Variants in SCUBE1 observed in about 807,000 individuals in gnomAD.
SCUBE1 encodes the protein signal peptide, CUB domain and EGF like domain containing 1.
In SCUBE1, 59 loss-of-function variants were observed where a neutral mutation model predicts 124.4. That is an observed-to-expected ratio of 0.47 (90% confidence interval 0.38 to 0.59). The LOEUF (loss-of-function observed/expected upper bound fraction) is 0.59. Among genes scored for constraint, SCUBE1 ranks in the 20% least tolerant of loss-of-function variants. The probability of loss-of-function intolerance (pLI) is 0.00; values close to 1 mark genes in which losing one functional copy is unlikely to be tolerated. For missense variants in SCUBE1, 1,150 were observed against 1,371.2 expected (o/e 0.84, Z 2.55); for synonymous variants, 545 against 550.9 (o/e 0.99, Z 0.15).
At chr22:43,231,710 C>T (rs1478960204) in intron 8 of SCUBE1, 43 bp downstream of exon 8, 1 of 1,535,982 alleles carries the variant, frequency 6.5e-7, no homozygotes, top group Non-Finnish European at 8.8e-7. Context: ...GGGGCACGAT[C>T]CCGCTGGGCC....
chr22:43,243,529 A>G (rs1050899883), intron 6 of SCUBE1, among the ~76,000 whole-genome samples: 1 of 152,210 alleles, frequency 6.6e-6, no homozygotes, highest in Non-Finnish European at 1.5e-5. Flanking sequence ...GGGCGAGGAC[A>G]AAAGGATGCC....
At chr22:43,253,629 C>T (rs1032376351) in intron 6 of SCUBE1, among the ~76,000 whole-genome samples, 1 of 152,152 alleles carries the variant, frequency 6.6e-6, no homozygotes, top group Non-Finnish European at 1.5e-5. Context: ...GGGCCTCCCT[C>T]CTCACCTCCT....
At chr22:43,325,061 A>T (rs1397681964) in intron 2 of SCUBE1, among the ~76,000 whole-genome samples, 1 of 151,312 alleles carries the variant, frequency 6.6e-6, no homozygotes, top group Non-Finnish European at 1.5e-5. Flanking sequence ...AGACACGCGG[A>T]GAGAAGGCAG....
intron 2 of SCUBE1, among the ~76,000 whole-genome samples, chr22:43,337,691 A>T (rs928255206): frequency 3.9e-5 from 6 of 152,238 alleles, no homozygotes; most frequent in African/African-American, 1.4e-4. Context: ...TCATCTGCCC[A>T]GCACTCAGCC....
intron 4 of SCUBE1, among the ~76,000 whole-genome samples, chr22:43,277,016 G>A (rs988002289): frequency 1.3e-5 from 2 of 152,290 alleles, no homozygotes; most frequent in Non-Finnish European, 2.9e-5. Flanking sequence ...CTCACTTGGG[G>A]GAGAAAGGCC....
At chr22:43,304,694 C>T (rs1925901766) in intron 3 of SCUBE1, among the ~76,000 whole-genome samples, 1 of 152,080 alleles carries the variant, frequency 6.6e-6, no homozygotes, top group South Asian at 2.1e-4. Flanking sequence ...CCACCACTAC[C>T]TGCCCTGAAC....
At chr22:43,221,954 C>T (rs1922108257) in intron 12 of SCUBE1, among the ~76,000 whole-genome samples, 1 of 152,108 alleles carries the variant, frequency 6.6e-6, no homozygotes, top group South Asian at 2.1e-4. Context: ...ATCCCAGCTA[C>T]TCAGGAGGCT....
At chr22:43,207,975 C>T (rs1199843631) in intron 20 of SCUBE1, 97 bp downstream of exon 20, 46 of 1,376,374 alleles carry the variant, frequency 3.3e-5, no homozygotes, top group Middle Eastern at 1.8e-4. Flanking sequence ...CCTGCCAGGT[C>T]GCAGCTCCCT....
At chr22:43,253,962 C>T (rs1923560449) in intron 6 of SCUBE1, among the ~76,000 whole-genome samples, 1 of 152,218 alleles carries the variant, frequency 6.6e-6, no homozygotes, top group Admixed American at 6.5e-5. Flanking sequence ...CTCCACCTGC[C>T]TCCAGCCACC....
At chr22:43,336,579 G>A (rs1038388764) in intron 2 of SCUBE1, among the ~76,000 whole-genome samples, 5 of 152,164 alleles carry the variant, frequency 3.3e-5, no homozygotes, top group Admixed American at 6.5e-5. Flanking sequence ...TGACAGCTTC[G>A]GTATGGTGGC....
rs958615772 is a variant in SCUBE1, at chr22:43,282,691, CT to C, written c.484+8354del. Reference sequence around the variant, plus strand: ...AGAAGCCACCTGCTCTTGCAGGCTTCTTTTTTTTTTTCTTTTTTTTTTGAGA... The same window carrying C: ...AGAAGCCACCTGCTCTTGCAGGCTTCTTTTTTTTTTCTTTTTTTTTTGAGA... On this transcript the variant is annotated intron_variant, in intron 4 of 21. Coordinates refer to ENST00000360835, the MANE Select transcript of SCUBE1 (RefSeq NM_173050.5). 9.8e-4 allele frequency: 138 copies of C among 140,118 alleles called. 1 individual carries two copies. Among genetic ancestry groups the C allele is most frequent in the African/African-American group, 2.6e-3 (87 of 33,974 alleles). 8.7% of individuals were successfully genotyped at this position (140,118 alleles called of 1,614,324 possible).
At chr22:43,257,966 C>G (rs1418444104) in intron 6 of SCUBE1, among the ~76,000 whole-genome samples, 1 of 152,206 alleles carries the variant, frequency 6.6e-6, no homozygotes, top group African/African-American at 2.4e-5. Context: ...GAGCCCACGT[C>G]AGGCGTCGCC....
intron 1 of SCUBE1, among the ~76,000 whole-genome samples, chr22:43,342,006 C>T (rs1335608300): frequency 6.6e-6 from 1 of 152,006 alleles, no homozygotes; most frequent in African/African-American, 2.4e-5. Flanking sequence ...GCTGGGCTTC[C>T]AGGAGGGGTG....
In SCUBE1 at chr22:43,220,402, C is replaced by T. The variant is rs768708727; in HGVS notation, c.1687+48G>A. 7.5e-6 allele frequency: 12 copies of T among 1,590,880 alleles called. No homozygotes were observed. The East Asian group carries it at 9.0e-5, about 12-fold the overall frequency. On this transcript the variant is annotated intron_variant, in intron 14 of 21. Transcript: ENST00000360835. ...GCCCCCGGCAGCGCCACCAGCCTGT[C>T]GTCCTCCTTCAGGCCTGCAGAAGCC...
In SCUBE1 at chr22:43,310,418, G is replaced by A. The variant is rs149369807; in HGVS notation, c.349+9519C>T. ...TTAGGACCCAGCGGCCATGATGTGC[G>A]GAAGCTCCTACCAGCCCATGTGGAA... On this transcript the variant is annotated intron_variant, in intron 3 of 21. Coordinates refer to ENST00000360835, the MANE Select transcript of SCUBE1 (RefSeq NM_173050.5). Among the ~76,000 whole-genome samples, 815 of 152,288 alleles carry A rather than the reference G, an allele frequency of 5.4e-3. 6 individuals carry two copies. Among genetic ancestry groups the A allele is most frequent in the Non-Finnish European group, 6.6e-3 (452 of 68,028 alleles).
At chr22:43,254,471 C>A (rs921316183) in intron 6 of SCUBE1, among the ~76,000 whole-genome samples, 3 of 152,200 alleles carry the variant, frequency 2.0e-5, no homozygotes, top group African/African-American at 7.2e-5. Context: ...TCTCTGGGAC[C>A]TTTAGGCTCT....
intron 3 of SCUBE1, 119 bp downstream of exon 3, chr22:43,319,818 G>T: frequency 1.6e-6 from 2 of 1,271,434 alleles, no homozygotes; most frequent in Non-Finnish European, 2.2e-6. Context: ...GACAACCCTG[G>T]CAAACTAATA....
chr22:43,219,704 A>C (rs530354837), intron 14 of SCUBE1, among the ~76,000 whole-genome samples: 8 of 152,058 alleles, frequency 5.3e-5, no homozygotes, highest in Admixed American at 1.3e-4. Context: ...GAACTCCTGA[A>C]CTCAAGTGAT....
At chr22:43,268,216 G>A (rs1050352828) in intron 4 of SCUBE1, among the ~76,000 whole-genome samples, 7 of 152,258 alleles carry the variant, frequency 4.6e-5, no homozygotes, top group African/African-American at 9.6e-5. Flanking sequence ...CCTGAGGGAC[G>A]GAAGGGCCCC....
Sources: gnomAD v4.1 joint callset for allele counts (sites outside exome capture counted in the v4.1 genomes callset) on GRCh38, gnomAD v4.1.1 for gene constraint, MANE v1.5 for transcripts, NCBI Gene and HGNC (gene_info 2026-07-23, HGNC 2026-07-21) for gene names.